The following DENND1A variants were observed in gnomAD, a reference collection of about 807,000 sequenced individuals.
DENND1A encodes the protein DENN domain containing 1A.
In DENND1A, 51 loss-of-function variants were observed where a neutral mutation model predicts 113.7. The observed-to-expected ratio is 0.45, with a 90% confidence interval of 0.36 to 0.57. The LOEUF is 0.57. Among genes scored for constraint, DENND1A ranks in the 20% least tolerant of loss-of-function variants. The pLI is 0.00. For synonymous variants in DENND1A, 565 were observed against 570.8 expected, an observed-to-expected ratio of 0.99 and a Z score of 0.14; for missense variants, 1,258 against 1,395.9, an observed-to-expected ratio of 0.90 and a Z score of 1.57.
intron 1 of DENND1A, among the ~76,000 whole-genome samples, chr9:123,926,916 AG>A (rs2134233491): frequency 6.7e-6 from 1 of 150,202 alleles, no homozygotes; most frequent in South Asian, 2.1e-4. Flanking sequence ...AATAAACACA[AG>A]GGGCCACAGA....
chr9:123,787,298 A>C (rs1832335159), intron 3 of DENND1A, among the ~76,000 whole-genome samples: 1 of 152,144 alleles, frequency 6.6e-6, no homozygotes, highest in African/African-American at 2.4e-5. Context: ...TATATCTATA[A>C]TTTTCTTATG....
intron 5 of DENND1A, among the ~76,000 whole-genome samples, chr9:123,743,743 T>A (rs945839389): frequency 5.2e-4 from 78 of 150,860 alleles, no homozygotes; most frequent in African/African-American, 1.5e-3. Context: ...AAAAAAAAAA[T>A]AAAAAATAAA....
At chr9:123,777,311 G>C (rs917832432) in intron 3 of DENND1A, among the ~76,000 whole-genome samples, 1 of 152,206 alleles carries the variant, frequency 6.6e-6, no homozygotes, top group African/African-American at 2.4e-5. Flanking sequence ...TGTTTTGACA[G>C]TGGATCCCCC....
At chr9:123,442,893 T>C (rs2047032691) in intron 18 of DENND1A, among the ~76,000 whole-genome samples, 1 of 151,830 alleles carries the variant, frequency 6.6e-6, no homozygotes, top group African/African-American at 2.4e-5. Flanking sequence ...ATGGGTGAAA[T>C]GAGATAGGAG....
intron 13 of DENND1A, among the ~76,000 whole-genome samples, chr9:123,542,526 CCA>C: frequency 6.6e-6 from 1 of 152,234 alleles, no homozygotes; most frequent in Middle Eastern, 3.4e-3. Context: ...CAGACTCACC[CCA>C]CTTTTCTGCT....
chr9:123,443,901 G>A (rs2047113882), intron 18 of DENND1A, among the ~76,000 whole-genome samples: 1 of 152,102 alleles, frequency 6.6e-6, no homozygotes, highest in Admixed American at 6.5e-5. Flanking sequence ...AGGCTGTAGT[G>A]AGCCGTGATC....
At chr9:123,921,359 G>C (rs923987736) in intron 1 of DENND1A, among the ~76,000 whole-genome samples, 6 of 152,098 alleles carry the variant, frequency 3.9e-5, no homozygotes, top group African/African-American at 1.2e-4. Context: ...AGAACTCAGA[G>C]GGAGAATGTA....
At position 123,427,458 on chromosome 9, in the gene DENND1A, C is replaced by A. The variant is rs117132708; in HGVS notation, c.1488+12902G>T. ...GGCAACGGCAGACAGCTGTGCCCATCTCTACACCCTGCCTCCTACCTCCCT... is the reference window on the plus strand; with the variant it reads ...GGCAACGGCAGACAGCTGTGCCCATATCTACACCCTGCCTCCTACCTCCCT... On this transcript the variant is annotated intron_variant, in intron 19 of 23. Transcript: ENST00000394215. Among the ~76,000 whole-genome samples the A allele has an allele frequency of 4.5e-3, 678 of 152,250 alleles. 1 individual carries two copies. Among genetic ancestry groups the A allele is most frequent in the Admixed American group, 7.0e-3 (107 of 15,290 alleles).
At chr9:123,864,469 C>T (rs1231958924) in intron 2 of DENND1A, among the ~76,000 whole-genome samples, 1 of 152,156 alleles carries the variant, frequency 6.6e-6, no homozygotes, top group Non-Finnish European at 1.5e-5. Flanking sequence ...TACAGGCTGA[C>T]GCCGAGGCCC....
At chr9:123,572,325 A>G (rs1438869138) in intron 12 of DENND1A, among the ~76,000 whole-genome samples, 1 of 152,158 alleles carries the variant, frequency 6.6e-6, no homozygotes, top group Non-Finnish European at 1.5e-5. Flanking sequence ...TGGGTATACC[A>G]CTGATTGTTT....
chr9:123,920,470 T>G (rs1399418485), intron 1 of DENND1A, among the ~76,000 whole-genome samples: 2 of 152,240 alleles, frequency 1.3e-5, no homozygotes, highest in Non-Finnish European at 2.9e-5. Flanking sequence ...TGAAAAGTAG[T>G]ACCAGTTAAA....
chr9:123,715,636 C>G (rs367596442), intron 5 of DENND1A, among the ~76,000 whole-genome samples: 2 of 152,122 alleles, frequency 1.3e-5, no homozygotes, highest in African/African-American at 4.8e-5. Context: ...ATGTCTAGAG[C>G]TCAGAGAAAT....
At chr9:123,778,398 G>A (rs946151624) in intron 3 of DENND1A, among the ~76,000 whole-genome samples, 4 of 152,080 alleles carry the variant, frequency 2.6e-5, no homozygotes, top group African/African-American at 4.8e-5. Context: ...GCAGTCTTTC[G>A]ATCAAGTCTT....
At chr9:123,420,749 AAGAGCTCGGCTGACGG>A (rs1365951230) in intron 19 of DENND1A, among the ~76,000 whole-genome samples, 1 of 151,868 alleles carries the variant, frequency 6.6e-6, no homozygotes, top group Non-Finnish European at 1.5e-5. Flanking sequence ...TTCCCGTGCA[AAGAGCTCGGCTGACGG>A]GGAAGTTCAC....
At position 123,583,201 on chromosome 9, in the gene DENND1A, A is replaced by T; in HGVS notation, c.835T>A (p.Phe279Ile). 6.2e-7 allele frequency: 1 copy of T among 1,612,928 alleles called. No homozygotes were observed. The highest frequency in any genetic ancestry group is 8.5e-7 in the Non-Finnish European group (1 of 1,179,384). ...TTTGGGAGGCTCTGGAGGTCATCGA[A>T]GGGGGTTTCCAGGGTGTTGGTGTCC... ...NVDTNTLETP[F>I]DDLQSLPNDV... The change falls in exon 12 of 24, where the codon TTC becomes ATC. Residue 279 changes from phenylalanine to isoleucine, a missense_variant. Physicochemically the swap from Phe to Ile is conservative, Grantham distance 21. Transcript: ENST00000394215.
intron 13 of DENND1A, among the ~76,000 whole-genome samples, chr9:123,467,510 C>A (rs1293858433): frequency 6.6e-6 from 1 of 152,070 alleles, no homozygotes. Flanking sequence ...AAAAAATTAG[C>A]CAGGCATATT....
chr9:123,702,848 T>C (rs991488117), intron 5 of DENND1A, among the ~76,000 whole-genome samples: 2 of 151,972 alleles, frequency 1.3e-5, no homozygotes, highest in Non-Finnish European at 2.9e-5. Context: ...TGCTAATAAA[T>C]AACATAAAAC....
chr9:123,443,693 G>A (rs971087408), intron 18 of DENND1A, among the ~76,000 whole-genome samples: 3 of 152,246 alleles, frequency 2.0e-5, no homozygotes, highest in East Asian at 1.9e-4. Context: ...GGAGGCTCAC[G>A]CCGGTAATCC....
chr9:123,607,545 AGAGT>A (rs755774314), intron 11 of DENND1A, among the ~76,000 whole-genome samples: 9,212 of 104,360 alleles, frequency 0.088, 281 homozygotes, highest in Admixed American at 0.14. Context: ...AGAGAGAGAG[AGAGT>A]GTGTGTGTGT....
Sources: allele counts gnomAD v4.1 joint callset (sites outside exome capture counted in the v4.1 genomes callset), GRCh38; gene constraint gnomAD v4.1.1; transcripts MANE v1.5; gene names NCBI Gene and HGNC (gene_info 2026-07-23, HGNC 2026-07-21).